CMTM4: variants seen among roughly 807,000 people sequenced by gnomAD.
CMTM4 encodes the protein CKLF like MARVEL transmembrane domain containing 4.
Under a neutral mutation model 19.0 loss-of-function variants are expected in CMTM4, and 8 were observed. The observed-to-expected ratio is 0.42, with a 90% CI of 0.25 to 0.76. The LOEUF is 0.76. CMTM4 is among the 30% of genes least tolerant of loss of function. CMTM4 has a pLI of 0.27. For synonymous variants in CMTM4, 106 were observed against 121.1 expected (o/e 0.88, Z 0.82); for missense variants, 228 against 290.2 (o/e 0.79, Z 1.56).
intron 1 of CMTM4, among the ~76,000 whole-genome samples, chr16:66,671,476 C>A (rs1188241770): frequency 6.6e-6 from 1 of 152,210 alleles, no homozygotes; most frequent in African/African-American, 2.4e-5. Flanking sequence ...GAGAGAACAA[C>A]AATGGTTTCA....
At chr16:66,604,706 T>C in the CMTM4 span, 6 of 944,294 alleles carry the variant, frequency 6.4e-6, no homozygotes, top group Non-Finnish European at 8.2e-6. Context: ...CGCGAGCCAG[T>C]GTCGCCTGCC....
rs929241987 is a variant in CMTM4, at chr16:66,627,425, G to A, written c.364-3923C>T. Among the ~76,000 whole-genome samples the A allele has an allele frequency of 3.9e-5, 6 of 152,230 alleles. No homozygotes were observed. In the South Asian group the frequency reaches 6.2e-4, roughly 16 times the overall value. On this transcript the variant is annotated intron_variant, in intron 2 of 3. Transcript: ENST00000394106. ...GTTACCCTTCATTGGGTCATATCAC[G>A]TATTTTTAAACAGCTTTATTGAGAT...
At position 66,696,651 on chromosome 16, in the gene CMTM4, C is replaced by T; in HGVS notation, c.-126G>A. 5.0e-6 allele frequency: 2 copies of T among 401,240 alleles called. No homozygotes were observed. The highest frequency in any genetic ancestry group is 6.7e-6 in the Non-Finnish European group (2 of 298,290). 24.9% of individuals were successfully genotyped at this position (401,240 alleles called of 1,614,324 possible). On this transcript the variant is annotated 5_prime_UTR_variant, in exon 1 of 4. Transcript: ENST00000394106. This position sits in a 1 kb window ranked among gnomAD's most constrained non-coding sequence, Gnocchi z 4.3. ...GCCGCCCGACTGACTGCCCGCGGCC[C>T]GCCCGCCGCCGCCGCCTCTCGCCCG... is the stretch of plus-strand genomic sequence containing the variant.
At chr16:66,642,722 A>C (rs905348422) in intron 1 of CMTM4, among the ~76,000 whole-genome samples, 1 of 152,142 alleles carries the variant, frequency 6.6e-6, no homozygotes, top group African/African-American at 2.4e-5. Flanking sequence ...TCACCAAAAC[A>C]AACAAACGAA....
chr16:66,627,075 C>A (rs1445569626), intron 2 of CMTM4, among the ~76,000 whole-genome samples: 1 of 152,070 alleles, frequency 6.6e-6, no homozygotes, highest in Non-Finnish European at 1.5e-5. Context: ...TGCACTGCAG[C>A]CTGGGGGACA....
At chr16:66,667,639 C>T (rs954398309) in intron 1 of CMTM4, among the ~76,000 whole-genome samples, 16 of 152,124 alleles carry the variant, frequency 1.1e-4, no homozygotes, top group African/African-American at 3.4e-4. Context: ...CCTGTAACCC[C>T]GGCACTTTGG....
rs2015526628 is a variant in CMTM4 at position 66,616,355 on chromosome 16, A to G, written c.*5703T>C. ...TGCCATGGGTTCCTGAACCCCTACA[A>G]ATTTCAACATATACAAATAGTTTCA... On this transcript the variant is annotated 3_prime_UTR_variant, in exon 4 of 4. Coordinates refer to ENST00000394106, the MANE Select transcript of CMTM4 (RefSeq NM_181521.3). 1 of 152,212 alleles carries G rather than the reference A, an allele frequency of 6.6e-6. No homozygotes were observed. The highest frequency in any genetic ancestry group is 2.1e-4 in the South Asian group (1 of 4,830). 9.4% of individuals were successfully genotyped at this position (152,212 alleles called of 1,614,324 possible).
chr16:66,696,275 G>T lies in CMTM4; in HGVS notation c.186+65C>A, dbSNP rs921770685. 5 of 1,157,304 alleles carry T rather than the reference G, an allele frequency of 4.3e-6. No homozygotes were observed. Among genetic ancestry groups the T allele is most frequent in the East Asian group, 3.5e-5 (1 of 28,934 alleles). The allele number at this position is 1,157,304 out of a possible 1,614,324, so 71.7% of individuals were successfully genotyped here. A position where few individuals can be genotyped will look rare whatever the true frequency, so the allele number is the denominator to read the frequency against. ...GGGTACGCGGCGGAGGCCCCGCAGC[G>T]GGGCGGGGAGGGAGGCGTGCGGCTA... On this transcript the variant is annotated intron_variant, in intron 1 of 3. Coordinates refer to ENST00000394106, the MANE Select transcript of CMTM4 (RefSeq NM_181521.3). The surrounding 1 kb of genome is among the most constrained non-coding windows in gnomAD (Gnocchi z 4.3).
At chr16:66,683,176 CAT>C (rs71378404) in intron 1 of CMTM4, among the ~76,000 whole-genome samples, 78 of 105,954 alleles carry the variant, frequency 7.4e-4, no homozygotes, top group South Asian at 5.6e-3. Flanking sequence ...TATATATATA[CAT>C]ATGTATATAT....
chr16:66,641,816 T>C (rs934702184), intron 1 of CMTM4, among the ~76,000 whole-genome samples: 2 of 152,200 alleles, frequency 1.3e-5, no homozygotes, highest in Admixed American at 6.5e-5. Context: ...AAATAACATG[T>C]TATAACCTAC....
downstream of CMTM4, chr16:66,612,703 G>A (rs1185797761): frequency 1.4e-5 from 22 of 1,523,612 alleles, no homozygotes; most frequent in South Asian, 5.7e-5. The surrounding 1 kb of genome is among the most constrained non-coding windows in gnomAD (Gnocchi z 6.0). Context: ...CACAGGGGTC[G>A]CTGGCGTTGG....
At chr16:66,599,126 C>CA in the CMTM4 span, among the ~76,000 whole-genome samples, 749 of 143,126 alleles carry the variant, frequency 5.2e-3, 10 homozygotes, top group East Asian at 0.026. Context: ...CTAAAATTAC[C>CA]AAAAAAAAAA....
the CMTM4 span, chr16:66,604,888 G>A: frequency 2.2e-4 from 316 of 1,433,606 alleles, no homozygotes; most frequent in Non-Finnish European, 2.7e-4. Flanking sequence ...CCCGGGCTCC[G>A]CGCCCTGCTG....
downstream of CMTM4, among the ~76,000 whole-genome samples, chr16:66,611,463 G>T (rs973148023): frequency 1.3e-5 from 2 of 151,936 alleles, no homozygotes; most frequent in East Asian, 3.9e-4. Context: ...GGAAAAAATT[G>T]AATATAGCAA....
chr16:66,671,696 A>C (rs1385086353), intron 1 of CMTM4, among the ~76,000 whole-genome samples: 1 of 152,124 alleles, frequency 6.6e-6, no homozygotes, highest in Non-Finnish European at 1.5e-5. Flanking sequence ...GGCACCTATA[A>C]CTTGGCCTAG....
Position 66,696,393 on chromosome 16 carries a change from AGCGCAGGCCGGCCAGCCCGCG to A in CMTM4, c.112_132del (p.Arg38_Arg44del). ...GCGCCGCGCAGGTAGTCGGGGTCGCAGCGCAGGCCGGCCAGCCCGCGGCGCTGGCTCACCGGCTCGGTGGTG... is the reference window on the plus strand; with the variant it reads ...GCGCCGCGCAGGTAGTCGGGGTCGCAGCGCTGGCTCACCGGCTCGGTGGTG... On this transcript the variant is annotated inframe_deletion, in exon 1 of 4. Coordinates refer to ENST00000394106, the MANE Select transcript of CMTM4 (RefSeq NM_181521.3). This position sits in a 1 kb window ranked among gnomAD's most constrained non-coding sequence, Gnocchi z 4.3. 2 of 1,417,818 alleles carry A rather than the reference AGCGCAGGCCGGCCAGCCCGCG, an allele frequency of 1.4e-6. No homozygotes were observed. The highest frequency in any genetic ancestry group is 3.2e-5 in the East Asian group (1 of 31,580). 87.8% of individuals were successfully genotyped at this position (1,417,818 alleles called of 1,614,324 possible). A position where few individuals can be genotyped will look rare whatever the true frequency, so the allele number is the denominator to read the frequency against.
At chr16:66,604,403 G>C in the CMTM4 span, 1 of 161,808 alleles carries the variant, frequency 6.2e-6, no homozygotes, top group Non-Finnish European at 1.3e-5. Context: ...CTGGGTTCCC[G>C]GATCCCAGAC....
chr16:66,621,659 G>T lies in CMTM4; in HGVS notation c.*399C>A. ...GAGCAGGTGGTGCCTAAGGCTGCCTGAGAACCACTGCCGACTGACCGTTCC... is the reference window on the plus strand; with the variant it reads ...GAGCAGGTGGTGCCTAAGGCTGCCTTAGAACCACTGCCGACTGACCGTTCC... On this transcript the variant is annotated 3_prime_UTR_variant, in exon 4 of 4. Coordinates refer to ENST00000394106, the MANE Select transcript of CMTM4 (RefSeq NM_181521.3). 9.8e-7 allele frequency: 1 copy of T among 1,015,242 alleles called. No individual in the cohort carries two copies. The highest frequency in any genetic ancestry group is 1.2e-6 in the Non-Finnish European group (1 of 846,252). The allele number at this position is 1,015,242 out of a possible 1,614,324, so 62.9% of individuals were successfully genotyped here.
chr16:66,641,957 T>C (rs1426723357), intron 1 of CMTM4, among the ~76,000 whole-genome samples: 1 of 152,202 alleles, frequency 6.6e-6, no homozygotes, highest in Non-Finnish European at 1.5e-5. Flanking sequence ...CATATGTAAT[T>C]ACATAGACAG....
Sources: allele counts gnomAD v4.1 joint callset (sites outside exome capture counted in the v4.1 genomes callset), GRCh38; gene constraint gnomAD v4.1.1; non-coding constraint Gnocchi (gnomAD v3.1); transcripts MANE v1.5; gene names NCBI Gene and HGNC (gene_info 2026-07-23, HGNC 2026-07-21).